Variants in PRPF4 observed in about 807,000 individuals in gnomAD.
PRPF4 encodes the protein pre-mRNA splicing tri-snRNP complex factor PRPF4, also known as U4/U6 small nuclear ribonucleoprotein Prp4.
PRPF4 carries 14 observed loss-of-function variants against 72.2 expected under a neutral mutation model. That is an observed-to-expected ratio of 0.19 (90% CI 0.13 to 0.30). PRPF4 has a LOEUF of 0.30. Among genes scored for constraint, PRPF4 ranks in the 10% least tolerant of loss-of-function variants. The probability of loss-of-function intolerance (pLI) is 1.00; values close to 1 mark genes in which losing one functional copy is unlikely to be tolerated. For missense variants in PRPF4, 478 were observed against 653.9 expected (o/e 0.73, Z 2.93); for synonymous variants, 225 against 232.2 (o/e 0.97, Z 0.28).
At chr9:113,281,815 G>C (rs1832290893) in intron 3 of PRPF4, among the ~76,000 whole-genome samples, 1 of 151,990 alleles carries the variant, frequency 6.6e-6, no homozygotes. Flanking sequence ...TCTAAGCTTA[G>C]TTAGATGCCC....
chr9:113,284,551 CA>C (rs1257142514), intron 7 of PRPF4, among the ~76,000 whole-genome samples, 162 bp downstream of exon 7: 1 of 152,192 alleles, frequency 6.6e-6, no homozygotes, highest in African/African-American at 2.4e-5. Flanking sequence ...TTGTATAATA[CA>C]ATGTAGCCTT....
In PRPF4 at chr9:113,284,357, T is replaced by C. The variant is rs1285454840; in HGVS notation, c.717T>C (p.Ser239=). 3 of 1,613,254 alleles carry C rather than the reference T, an allele frequency of 1.9e-6. No homozygotes were observed. In the African/African-American group the frequency reaches 4.0e-5, roughly 22 times the overall value. Residue 239 remains serine, a synonymous_variant, in exon 7 of 14, where the codon AGT becomes AGC. Transcript: ENST00000374198. ...DDRPISYCHF[S]PNSKMLATAC... ...GGCCTATCTCCTACTGTCACTTTAGTCCCAATTCCAAGATGCTGGCCACAG... is the reference window on the plus strand; with the variant it reads ...GGCCTATCTCCTACTGTCACTTTAGCCCCAATTCCAAGATGCTGGCCACAG...
At chr9:113,286,849 GC>G (rs2118631836) in intron 9 of PRPF4, 21 bp downstream of exon 9, 2 of 1,613,886 alleles carry the variant, frequency 1.2e-6, no homozygotes, top group East Asian at 4.5e-5. Flanking sequence ...CTGTTCTGTG[GC>G]CCATACTGCC....
At position 113,283,382 on chromosome 9, in the gene PRPF4, G is replaced by T. The variant is rs776236943; in HGVS notation, c.561-7G>T. On this transcript the variant is annotated splice_region_variant and splice_polypyrimidine_tract_variant and intron_variant, in intron 5 of 13. Coordinates refer to ENST00000374198, the MANE Select transcript of PRPF4 (RefSeq NM_001244926.2). ...TTGCTCCTGGTGATGGTGTTTCTGTGTCGCAGGGCAATGAAACGCTTGGAA... is the reference window on the plus strand; with the variant it reads ...TTGCTCCTGGTGATGGTGTTTCTGTTTCGCAGGGCAATGAAACGCTTGGAA... 12 of 1,613,978 alleles carry T rather than the reference G, an allele frequency of 7.4e-6. No homozygotes were observed. The South Asian group carries it at 1.3e-4, about 18-fold the overall frequency.
At chr9:113,287,472 G>T (rs1413405246) in intron 9 of PRPF4, among the ~76,000 whole-genome samples, 2 of 151,220 alleles carry the variant, frequency 1.3e-5, no homozygotes, top group African/African-American at 4.9e-5. Context: ...ATGTGTTTAT[G>T]TGATTGTTTT....
In PRPF4 at chr9:113,283,440, A is replaced by G. The variant is rs1478963607; in HGVS notation, c.612A>G (p.Thr204=). The part of the protein sequence containing the change: ...EARLHKEIPE[T]TRTSQMQELH... Reference sequence around the variant, plus strand: ...GACTCCATAAGGAGATTCCTGAGACAACAAGGACCTCCCAGATGCAAGAGC... The same window carrying G: ...GACTCCATAAGGAGATTCCTGAGACGACAAGGACCTCCCAGATGCAAGAGC... Residue 204 remains threonine, a synonymous_variant, in exon 6 of 14, where the codon ACA becomes ACG. Transcript: ENST00000374198. 2.5e-6 allele frequency: 4 copies of G among 1,614,044 alleles called. No homozygotes were observed. Among genetic ancestry groups the G allele is most frequent in the African/African-American group, 1.3e-5 (1 of 74,922 alleles).
chr9:113,289,463 A>T (rs1372872275), intron 10 of PRPF4, among the ~76,000 whole-genome samples: 1 of 152,118 alleles, frequency 6.6e-6, no homozygotes, highest in Non-Finnish European at 1.5e-5. Flanking sequence ...GTTACTTCAC[A>T]TCCCTGTTAA....
rs1377279084 is a variant in PRPF4, at chr9:113,285,476, T to C, written c.750-756T>C. On this transcript the variant is annotated intron_variant, in intron 7 of 13. Transcript: ENST00000374198. ...TCACTGCAAGCTCCACCTCCTGGGTTCACGCCATTCTCCTACCTCAGCCTC... is the reference window on the plus strand; with the variant it reads ...TCACTGCAAGCTCCACCTCCTGGGTCCACGCCATTCTCCTACCTCAGCCTC... Among the ~76,000 whole-genome samples, 3 of 143,242 alleles carry C rather than the reference T, an allele frequency of 2.1e-5. No individual in the cohort carries two copies. The South Asian group carries it at 7.0e-4, about 33-fold the overall frequency. 94.0% of individuals were successfully genotyped at this position (143,242 alleles called of 152,430 possible). A position where few individuals can be genotyped will look rare whatever the true frequency, so the allele number is the denominator to read the frequency against.
chr9:113,282,517 A>G, intron 3 of PRPF4, 129 bp from the exon 4 acceptor site: 1 of 668,326 alleles, frequency 1.5e-6, no homozygotes, highest in Non-Finnish European at 2.5e-6. Context: ...CAGTGAGAGA[A>G]TAGTAAAGGC....
At chr9:113,280,943 C>T (rs1217059849) in intron 3 of PRPF4, among the ~76,000 whole-genome samples, 2 of 152,046 alleles carry the variant, frequency 1.3e-5, no homozygotes, top group East Asian at 3.9e-4. Flanking sequence ...CAGGTACAAG[C>T]CATTCTCCTG....
At chr9:113,285,440 G>T (rs990229409) in intron 7 of PRPF4, among the ~76,000 whole-genome samples, 1 of 127,620 alleles carries the variant, frequency 7.8e-6, no homozygotes, top group Non-Finnish European at 1.6e-5. Context: ...GTGCAGTGGC[G>T]CGATCTCGGC....
chr9:113,284,837 C>T (rs1217317986), intron 7 of PRPF4, among the ~76,000 whole-genome samples: 3 of 152,178 alleles, frequency 2.0e-5, no homozygotes, highest in African/African-American at 7.2e-5. Context: ...AGTAAGGACT[C>T]GTTAAACGTT....
intron 3 of PRPF4, among the ~76,000 whole-genome samples, chr9:113,280,227 A>T (rs891554088): frequency 6.6e-6 from 1 of 151,696 alleles, no homozygotes; most frequent in Non-Finnish European, 1.5e-5. Context: ...AATCCTCTTG[A>T]TTTTCCTCTT....
chr9:113,284,951 T>A (rs2118621601), intron 7 of PRPF4, among the ~76,000 whole-genome samples: 1 of 152,250 alleles, frequency 6.6e-6, no homozygotes, highest in South Asian at 2.1e-4. Context: ...TGTTTTTCTG[T>A]GGGACATGGC....
chr9:113,291,019 A>G lies in PRPF4; in HGVS notation c.1372+3A>G, dbSNP rs776577225. On this transcript the variant is annotated splice_donor_region_variant and intron_variant, in intron 13 of 13. Coordinates refer to ENST00000374198, the MANE Select transcript of PRPF4 (RefSeq NM_001244926.2). Reference sequence around the variant, plus strand: ...AGTGACTGGTGTCAAGTTTGAGCGTAAGCTTTCCTCCTATTTTACGTCTAA... The same window carrying G: ...AGTGACTGGTGTCAAGTTTGAGCGTGAGCTTTCCTCCTATTTTACGTCTAA... 6 of 1,608,576 alleles carry G rather than the reference A, an allele frequency of 3.7e-6. No individual in the cohort carries two copies. The highest frequency in any genetic ancestry group is 5.1e-6 in the Non-Finnish European group (6 of 1,174,928).
intron 5 of PRPF4, 66 bp from the exon 6 acceptor site, chr9:113,283,323 T>C: frequency 6.2e-7 from 1 of 1,612,586 alleles, no homozygotes; most frequent in Non-Finnish European, 8.5e-7. Flanking sequence ...AGGGGTAGAG[T>C]AGGGATACAT....
chr9:113,282,779 G>A (rs771650230), intron 4 of PRPF4, 46 bp downstream of exon 4: 4 of 1,434,466 alleles, frequency 2.8e-6, no homozygotes, highest in South Asian at 1.2e-5. Flanking sequence ...AAGGAAATGA[G>A]GGGATAGGTC....
chr9:113,286,369 A>C lies in PRPF4; in HGVS notation c.808+79A>C, dbSNP rs899722056. 1.4e-5 allele frequency: 18 copies of C among 1,294,734 alleles called. No homozygotes were observed. The African/African-American group carries it at 2.3e-4, about 17-fold the overall frequency. 80.2% of individuals were successfully genotyped at this position (1,294,734 alleles called of 1,614,324 possible). A position where few individuals can be genotyped will look rare whatever the true frequency, so the allele number is the denominator to read the frequency against. On this transcript the variant is annotated intron_variant, in intron 8 of 13. Coordinates refer to ENST00000374198, the MANE Select transcript of PRPF4 (RefSeq NM_001244926.2). ...AAGCCTTAAACTCTGCTTGACACTC[A>C]GACCCCATACACACAGCATTAATCC...
chr9:113,283,494 C>T lies in PRPF4; in HGVS notation c.654+12C>T. ...ACAAGTCTCTCCGGGTAAGATGCTCCCAGCAATTGTCCCACATCTTAAAGG... is the reference window on the plus strand; with the variant it reads ...ACAAGTCTCTCCGGGTAAGATGCTCTCAGCAATTGTCCCACATCTTAAAGG... On this transcript the variant is annotated intron_variant, in intron 6 of 13. Coordinates refer to ENST00000374198, the MANE Select transcript of PRPF4 (RefSeq NM_001244926.2). The T allele has an allele frequency of 6.2e-7, 1 of 1,613,080 alleles. No individual in the cohort carries two copies. Among genetic ancestry groups the T allele is most frequent in the Non-Finnish European group, 8.5e-7 (1 of 1,179,304 alleles).
Sources: gnomAD v4.1 joint callset for allele counts (sites outside exome capture counted in the v4.1 genomes callset) on GRCh38, gnomAD v4.1.1 for gene constraint, MANE v1.5 for transcripts, NCBI Gene and HGNC (gene_info 2026-07-23, HGNC 2026-07-21) for gene names.